AP3S2: variants seen among roughly 807,000 people sequenced by gnomAD.
The protein encoded by AP3S2 is adaptor related protein complex 3 subunit sigma 2, also known as AP-3 complex subunit sigma-2.
In AP3S2, 22 loss-of-function variants were observed where a neutral mutation model predicts 23.4. That is an observed-to-expected ratio of 0.94 (90% confidence interval 0.67 to 1.34). The LOEUF is 1.34. Among genes scored for constraint, AP3S2 ranks in the 40% most tolerant of loss-of-function variants. AP3S2 has a pLI of 0.00. For synonymous variants in AP3S2, 86 were observed against 87.1 expected, an observed-to-expected ratio of 0.99 and a Z score of 0.07; for missense variants, 241 against 236.9, an observed-to-expected ratio of 1.02 and a Z score of -0.11.
chr15:89,891,774 T>C (rs75339065), intron 1 of AP3S2, among the ~76,000 whole-genome samples: 265 of 152,286 alleles, frequency 1.7e-3, no homozygotes, highest in African/African-American at 6.2e-3. Context: ...TCATTATACA[T>C]TGCTGATGGA....
chr15:89,847,972 A>C (rs1157120695), intron 4 of AP3S2, among the ~76,000 whole-genome samples: 1 of 152,208 alleles, frequency 6.6e-6, no homozygotes, highest in African/African-American at 2.4e-5. Flanking sequence ...GGATGGCAGG[A>C]TTCCATCTAA....
At chr15:89,880,576 A>C (rs1307821496) in intron 3 of AP3S2, among the ~76,000 whole-genome samples, 1 of 152,124 alleles carries the variant, frequency 6.6e-6, no homozygotes, top group African/African-American at 2.4e-5. Context: ...CAGGAGGCTG[A>C]AGCAGGAGAA....
Position 89,883,204 on chromosome 15 carries a change from A to G in AP3S2, c.273+5317T>C, listed in dbSNP as rs533421040. On this transcript the variant is annotated intron_variant, in intron 3 of 5. Coordinates refer to ENST00000336418, the MANE Select transcript of AP3S2 (RefSeq NM_005829.5). Reference sequence around the variant, plus strand: ...TAGGAAATTTAATTTTGTTGGCTTTATCTCATATTCTGTCATTTTGCTCAT... The same window carrying G: ...TAGGAAATTTAATTTTGTTGGCTTTGTCTCATATTCTGTCATTTTGCTCAT... Among the ~76,000 whole-genome samples, 5 of 151,944 alleles carry G rather than the reference A, an allele frequency of 3.3e-5. No individual in the cohort carries two copies. In the East Asian group the frequency reaches 9.7e-4, roughly 29 times the overall value.
At chr15:89,881,453 T>C (rs1030911072) in intron 3 of AP3S2, among the ~76,000 whole-genome samples, 3 of 152,214 alleles carry the variant, frequency 2.0e-5, no homozygotes, top group Non-Finnish European at 4.4e-5. Flanking sequence ...AGGCAAACCA[T>C]TATTTTATCT....
chr15:89,835,491 C>G lies in AP3S2; in HGVS notation c.*24G>C. On this transcript the variant is annotated 3_prime_UTR_variant, in exon 6 of 6. Transcript: ENST00000336418. ...CTTGTCTTTGCTTGTCTTAAGGACT[C>G]TATTTCAGGCCAATACTTGATCCTC... 6.2e-7 allele frequency: 1 copy of G among 1,613,140 alleles called. No individual in the cohort carries two copies.
intron 4 of AP3S2, among the ~76,000 whole-genome samples, chr15:89,857,587 C>T (rs1245059795): frequency 2.6e-5 from 4 of 152,168 alleles, no homozygotes; most frequent in Non-Finnish European, 5.9e-5. Context: ...GATATAAATG[C>T]CCAATAATCA....
chr15:89,868,262 G>T (rs1896204015), intron 4 of AP3S2, among the ~76,000 whole-genome samples: 1 of 58,818 alleles, frequency 1.7e-5, no homozygotes. Context: ...GGGAGGTGAG[G>T]GGCGCCTCTG....
chr15:89,843,995 G>C (rs563456793), intron 4 of AP3S2, among the ~76,000 whole-genome samples: 1 of 152,320 alleles, frequency 6.6e-6, no homozygotes, highest in South Asian at 2.1e-4. Flanking sequence ...GGGGAAAAAG[G>C]AGGGAGGTAG....
rs569978781 is a variant in AP3S2 at position 89,830,832 on chromosome 15, T to C, written c.*4683A>G. 3.9e-5 allele frequency: 6 copies of C among 152,380 alleles called. No individual in the cohort carries two copies. Among genetic ancestry groups the C allele is most frequent in the Admixed American group, 3.3e-4 (5 of 15,302 alleles). The allele number at this position is 152,380 out of a possible 1,614,324, so 9.4% of individuals were successfully genotyped here. ...GCTGGGGTGCCACTGTACAGGGTGA[T>C]GGGGAGGCCCTCCTCCCTGGAGAGG... On this transcript the variant is annotated 3_prime_UTR_variant, in exon 6 of 6. Coordinates refer to ENST00000336418, the MANE Select transcript of AP3S2 (RefSeq NM_005829.5).
intron 4 of AP3S2, among the ~76,000 whole-genome samples, chr15:89,859,201 T>G (rs1895940551): frequency 6.6e-6 from 1 of 151,352 alleles, no homozygotes; most frequent in African/African-American, 2.4e-5. Context: ...CTTCCCTCTC[T>G]CCTTGCTTCC....
At chr15:89,893,752 C>T (rs2141909444) in intron 1 of AP3S2, 129 bp downstream of exon 1, 1 of 866,964 alleles carries the variant, frequency 1.2e-6, no homozygotes, top group South Asian at 1.7e-5. Context: ...TTAAGTAGGG[C>T]GAGGGTCATG....
At chr15:89,893,590 C>T (rs982652964) in intron 1 of AP3S2, 2 of 452,450 alleles carry the variant, frequency 4.4e-6, no homozygotes, top group Admixed American at 4.1e-5. Flanking sequence ...AGGCACACTC[C>T]CCACTGTCGC....
intron 4 of AP3S2, among the ~76,000 whole-genome samples, chr15:89,863,571 G>A (rs940702127): frequency 1.3e-5 from 2 of 152,166 alleles, no homozygotes; most frequent in African/African-American, 4.8e-5. Flanking sequence ...GAGAGAAGCA[G>A]TGATAAAAAG....
At chr15:89,856,244 AG>A (rs1364755762) in intron 4 of AP3S2, among the ~76,000 whole-genome samples, 3 of 152,180 alleles carry the variant, frequency 2.0e-5, no homozygotes, top group Non-Finnish European at 4.4e-5. Flanking sequence ...TTCAAAGGCA[AG>A]GTCTAATTAG....
At chr15:89,866,674 G>A (rs111827721) in intron 4 of AP3S2, among the ~76,000 whole-genome samples, 2 of 151,812 alleles carry the variant, frequency 1.3e-5, no homozygotes, top group East Asian at 3.9e-4. Flanking sequence ...TAGTAGAGAC[G>A]GGGTTTCTCC....
intron 4 of AP3S2, chr15:89,848,681 G>A (rs1895558251): frequency 6.6e-6 from 1 of 152,218 alleles, no homozygotes; most frequent in Non-Finnish European, 1.5e-5. Context: ...CTAGGAAAGG[G>A]CTTCAGAAAA....
At chr15:89,880,940 A>T (rs1173932975) in intron 3 of AP3S2, among the ~76,000 whole-genome samples, 1 of 152,194 alleles carries the variant, frequency 6.6e-6, no homozygotes, top group East Asian at 1.9e-4. Flanking sequence ...ATGAAACAAG[A>T]TATTTTCTAT....
At chr15:89,879,754 T>C (rs4932264) in intron 3 of AP3S2, among the ~76,000 whole-genome samples, 108,681 of 151,674 alleles carry the variant, frequency 0.72, 39,136 homozygotes, top group East Asian at 0.8. Flanking sequence ...TACAGGCACC[T>C]GTCACCACGC....
chr15:89,881,629 T>C (rs372015446), intron 3 of AP3S2, among the ~76,000 whole-genome samples: 2 of 152,090 alleles, frequency 1.3e-5, no homozygotes, highest in African/African-American at 4.8e-5. Flanking sequence ...GTGGTTCAAT[T>C]ATATTATAGA....
Sources: allele counts gnomAD v4.1 joint callset (sites outside exome capture counted in the v4.1 genomes callset), GRCh38; gene constraint gnomAD v4.1.1; transcripts MANE v1.5; gene names NCBI Gene and HGNC (gene_info 2026-07-23, HGNC 2026-07-21).